CTNNA3: variants seen among roughly 807,000 people sequenced by gnomAD.
CTNNA3 encodes catenin alpha 3.
Under a neutral mutation model 95.7 loss-of-function variants are expected in CTNNA3, and 76 were observed. The observed-to-expected ratio is 0.79, with a 90% CI of 0.66 to 0.96. The LOEUF (loss-of-function observed/expected upper bound fraction) is 0.96. CTNNA3 is among the 40% of genes least tolerant of loss of function. The pLI, the probability that CTNNA3 is intolerant of heterozygous loss-of-function variation, is 0.00. For missense variants in CTNNA3, 1,191 were observed against 1,089.8 expected (o/e 1.09, Z -1.31); for synonymous variants, 431 against 374.4 (o/e 1.15, Z -1.74).
At chr10:67,620,923 G>GTGTCTATA (rs1402402526) in intron 2 of CTNNA3, among the ~76,000 whole-genome samples, 3 of 123,808 alleles carry the variant, frequency 2.4e-5, no homozygotes, top group Non-Finnish European at 5.1e-5. Flanking sequence ...GTGTGTGTGT[G>GTGTCTATA]TATATATATA....
chr10:66,515,351 A>C (rs924047132), intron 11 of CTNNA3, among the ~76,000 whole-genome samples: 10 of 145,810 alleles, frequency 6.9e-5, no homozygotes, highest in African/African-American at 2.1e-4. Flanking sequence ...CTCTCTATAT[A>C]TATATATAGT....
At chr10:67,007,743 A>T (rs1245781475) in intron 7 of CTNNA3, among the ~76,000 whole-genome samples, 2 of 152,022 alleles carry the variant, frequency 1.3e-5, no homozygotes, top group Non-Finnish European at 2.9e-5. Context: ...TTCCATACTG[A>T]ATATATTAAT....
At chr10:67,693,293 C>T (rs1391982388) in intron 1 of CTNNA3, among the ~76,000 whole-genome samples, 4 of 152,156 alleles carry the variant, frequency 2.6e-5, no homozygotes, top group African/African-American at 7.2e-5. Flanking sequence ...TGCTAAACTC[C>T]GGAGTTCCAC....
At chr10:66,821,721 G>T (rs572344407) in intron 7 of CTNNA3, among the ~76,000 whole-genome samples, 23 of 152,134 alleles carry the variant, frequency 1.5e-4, no homozygotes, top group Non-Finnish European at 2.8e-4. Flanking sequence ...CTTATACAGG[G>T]TTAATTGCTT....
chr10:66,488,750 A>G (rs1187769717), intron 11 of CTNNA3, among the ~76,000 whole-genome samples: 1 of 152,174 alleles, frequency 6.6e-6, no homozygotes, highest in Non-Finnish European at 1.5e-5. Flanking sequence ...ACATGGGAAG[A>G]GGTCATATGA....
intron 7 of CTNNA3, among the ~76,000 whole-genome samples, chr10:66,955,873 G>C (rs1848762843): frequency 6.6e-6 from 1 of 152,118 alleles, no homozygotes; most frequent in Non-Finnish European, 1.5e-5. Flanking sequence ...TCATCACCAA[G>C]ATCTGACTGG....
At chr10:67,630,604 G>A (rs1248791636) in intron 2 of CTNNA3, among the ~76,000 whole-genome samples, 1 of 152,106 alleles carries the variant, frequency 6.6e-6, no homozygotes, top group African/African-American at 2.4e-5. Context: ...TTGCCCCAGT[G>A]AGTATTAAAA....
At chr10:66,120,240 C>A (rs892161533) in intron 13 of CTNNA3, among the ~76,000 whole-genome samples, 2 of 151,970 alleles carry the variant, frequency 1.3e-5, no homozygotes, top group Non-Finnish European at 2.9e-5. Context: ...TATTAAATTC[C>A]TTCAATTGTG....
At chr10:66,248,733 T>G (rs114514234) in intron 13 of CTNNA3, among the ~76,000 whole-genome samples, 182 of 152,216 alleles carry the variant, frequency 1.2e-3, no homozygotes, top group African/African-American at 4.2e-3. Flanking sequence ...ACTGGAGCAC[T>G]GAGATATAAA....
chr10:67,634,591 G>A (rs973863654), intron 2 of CTNNA3, among the ~76,000 whole-genome samples: 1 of 152,222 alleles, frequency 6.6e-6, no homozygotes, highest in Middle Eastern at 3.4e-3. Context: ...CATCTCACAT[G>A]CAAAGACACA....
intron 5 of CTNNA3, among the ~76,000 whole-genome samples, chr10:67,407,189 A>T (rs181839370): frequency 6.6e-6 from 1 of 152,322 alleles, no homozygotes; most frequent in Admixed American, 6.5e-5. Flanking sequence ...GGCAAACTGA[A>T]TCTAGCAGCA....
intron 1 of CTNNA3, among the ~76,000 whole-genome samples, chr10:67,713,525 G>A (rs1841124690): frequency 6.6e-6 from 1 of 152,168 alleles, no homozygotes; most frequent in African/African-American, 2.4e-5. Flanking sequence ...CAAAGACTTG[G>A]AACCAACCCA....
At position 66,216,230 on chromosome 10, in the gene CTNNA3, A is replaced by G. The variant is rs560737768; in HGVS notation, c.1884+64240T>C. 2.6e-5 allele frequency among the ~76,000 whole-genome samples: 4 copies of G among 152,360 alleles called. No individual in the cohort carries two copies. In the South Asian group the frequency reaches 6.2e-4, roughly 24 times the overall value. On this transcript the variant is annotated intron_variant, in intron 13 of 17. Coordinates refer to ENST00000433211, the MANE Select transcript of CTNNA3 (RefSeq NM_013266.4). ...TTCCCTTGGAAATCTGTCAACTTCA[A>G]TCCGATCTTTGTATGTTGGTTATGC...
At chr10:66,206,609 A>G (rs2087771351) in intron 13 of CTNNA3, among the ~76,000 whole-genome samples, 1 of 151,948 alleles carries the variant, frequency 6.6e-6, no homozygotes, top group Non-Finnish European at 1.5e-5. Context: ...AAACCACTTC[A>G]TAGGTTTTAT....
intron 17 of CTNNA3, among the ~76,000 whole-genome samples, chr10:65,955,565 AAT>A (rs1453977110): frequency 1.3e-5 from 2 of 152,182 alleles, no homozygotes; most frequent in Non-Finnish European, 2.9e-5. Flanking sequence ...ATGGCCCATC[AAT>A]ACCTAGTTTA....
At chr10:67,351,848 G>A (rs1431957501) in intron 5 of CTNNA3, among the ~76,000 whole-genome samples, 3 of 151,874 alleles carry the variant, frequency 2.0e-5, no homozygotes, top group Non-Finnish European at 2.9e-5. Context: ...TAACTGCTGG[G>A]ATTTTAATGC....
chr10:66,386,310 C>A (rs542680162), intron 11 of CTNNA3, among the ~76,000 whole-genome samples: 1 of 152,038 alleles, frequency 6.6e-6, no homozygotes. Context: ...AACAGACAAA[C>A]AAAGAGCCAA....
intron 7 of CTNNA3, among the ~76,000 whole-genome samples, chr10:66,942,043 C>T (rs776399412): frequency 3.9e-5 from 6 of 152,146 alleles, no homozygotes; most frequent in Non-Finnish European, 7.3e-5. Flanking sequence ...CCTGGTAGCA[C>T]GGCATGGTAT....
chr10:67,480,862 C>T (rs1040206933), intron 5 of CTNNA3, among the ~76,000 whole-genome samples: 13 of 152,166 alleles, frequency 8.5e-5, no homozygotes, highest in African/African-American at 2.6e-4. Context: ...GTCTTGGCAA[C>T]GATACTAGCA....
Sources: gnomAD v4.1 joint callset for allele counts (sites outside exome capture counted in the v4.1 genomes callset) on GRCh38, gnomAD v4.1.1 for gene constraint, MANE v1.5 for transcripts, NCBI Gene and HGNC (gene_info 2026-07-23, HGNC 2026-07-21) for gene names.